Variants in MMP26 observed in about 807,000 individuals in gnomAD.
MMP26 encodes matrix metalloproteinase-26.
MMP26 carries 33 observed loss-of-function variants against 31.0 expected under a neutral mutation model. The observed-to-expected ratio is 1.06, with a 90% CI of 0.81 to 1.42. MMP26 has a LOEUF of 1.42. Among genes scored for constraint, MMP26 ranks in the 40% most tolerant of loss-of-function variants. The probability of loss-of-function intolerance (pLI) is 0.00; values close to 1 mark genes in which losing one functional copy is unlikely to be tolerated. For synonymous variants in MMP26, 122 were observed against 114.9 expected (o/e 1.06, Z -0.40); for missense variants, 347 against 316.1 (o/e 1.10, Z -0.74).
chr11:4,909,405 G>A (rs192082783), intron 2 of MMP26: 17 of 152,214 alleles, frequency 1.1e-4, no homozygotes, highest in Non-Finnish European at 1.5e-5. Context: ...AAAGGAACTG[G>A]GGACTTGAAT....
intron 2 of MMP26, chr11:4,875,996 C>G (rs377589635): frequency 6.6e-6 from 1 of 151,976 alleles, no homozygotes; most frequent in Non-Finnish European, 1.5e-5. Context: ...CTACATCATA[C>G]GAGTGCCAAA....
At chr11:4,971,487 G>A (rs113402772) in intron 2 of MMP26, among the ~76,000 whole-genome samples, 2,628 of 152,244 alleles carry the variant, frequency 0.017, 74 homozygotes, top group African/African-American at 0.06. Flanking sequence ...AGAGAGTAAC[G>A]TGATATGTAT....
chr11:4,794,591 T>A (rs1589902595), intron 2 of MMP26, among the ~76,000 whole-genome samples: 2 of 152,268 alleles, frequency 1.3e-5, no homozygotes, highest in East Asian at 1.9e-4. Context: ...ATTGCAATCA[T>A]TGTCAGCTCA....
intron 2 of MMP26, among the ~76,000 whole-genome samples, chr11:4,886,228 G>T (rs1164437702): frequency 3.9e-5 from 6 of 152,094 alleles, no homozygotes; most frequent in Non-Finnish European, 8.8e-5. Flanking sequence ...CAAAATAACT[G>T]TTGGTCTCCT....
At chr11:4,958,753 T>C (rs1004901124) in intron 2 of MMP26, among the ~76,000 whole-genome samples, 12 of 152,208 alleles carry the variant, frequency 7.9e-5, no homozygotes, top group Non-Finnish European at 1.5e-5. Flanking sequence ...AGCTTTTGAA[T>C]TGTTTTCCTT....
At chr11:4,917,073 G>A (rs1400720757) in intron 2 of MMP26, among the ~76,000 whole-genome samples, 1 of 152,188 alleles carries the variant, frequency 6.6e-6, no homozygotes, top group African/African-American at 2.4e-5. Context: ...AGCTCAAAGA[G>A]GGTAGGGGCT....
At chr11:4,719,454 C>T (rs1847981176) in intron 1 of MMP26, 1 of 153,766 alleles carries the variant, frequency 6.5e-6, no homozygotes, top group African/African-American at 2.4e-5. Context: ...TTGCCAATGC[C>T]TACCTACTAA....
chr11:4,991,252 A>T, intron 5 of MMP26, 119 bp from the exon 6 acceptor site: 1 of 1,268,420 alleles, frequency 7.9e-7, no homozygotes, highest in Non-Finnish European at 1.1e-6. Context: ...TAGCTCTCTC[A>T]CATCCCCCAG....
chr11:4,745,578 C>T (rs1345242413), intron 1 of MMP26, among the ~76,000 whole-genome samples: 1 of 152,138 alleles, frequency 6.6e-6, no homozygotes, highest in African/African-American at 2.4e-5. Flanking sequence ...TTTGTACGTT[C>T]GTCACTATCT....
chr11:4,943,275 T>C, intron 2 of MMP26: 1 of 240,698 alleles, frequency 4.2e-6, no homozygotes, highest in South Asian at 4.8e-5. Flanking sequence ...ATCCTTTGCA[T>C]TCATCTTTGT....
intron 2 of MMP26, among the ~76,000 whole-genome samples, chr11:4,887,233 T>C (rs1288176829): frequency 6.6e-6 from 1 of 152,100 alleles, no homozygotes; most frequent in Non-Finnish European, 1.5e-5. Flanking sequence ...TAGTTTGTAA[T>C]GTATTTATTT....
At chr11:4,843,442 A>G (rs1235216478) in intron 2 of MMP26, among the ~76,000 whole-genome samples, 1 of 152,132 alleles carries the variant, frequency 6.6e-6, no homozygotes, top group Non-Finnish European at 1.5e-5. Context: ...CAGGCCCAAT[A>G]CCACATGGAA....
chr11:4,828,061 C>T (rs1849601905), intron 2 of MMP26, among the ~76,000 whole-genome samples: 1 of 152,090 alleles, frequency 6.6e-6, no homozygotes, highest in Non-Finnish European at 1.5e-5. Flanking sequence ...GGAAAAAATA[C>T]ATCAACATTA....
intron 1 of MMP26, among the ~76,000 whole-genome samples, chr11:4,728,231 A>ACAC (rs1327387455): frequency 6.6e-6 from 1 of 152,242 alleles, no homozygotes; most frequent in African/African-American, 2.4e-5. Flanking sequence ...TCCTTGTTAA[A>ACAC]CATTATATTA....
intron 2 of MMP26, among the ~76,000 whole-genome samples, chr11:4,827,441 A>G (rs1191369080): frequency 6.6e-6 from 1 of 152,088 alleles, no homozygotes. Flanking sequence ...AATGATCCTG[A>G]AAAAGGTATC....
intron 1 of MMP26, among the ~76,000 whole-genome samples, chr11:4,724,786 G>A (rs1267011808): frequency 3.3e-5 from 5 of 152,108 alleles, no homozygotes; most frequent in South Asian, 4.1e-4. Flanking sequence ...CAGAAAAATC[G>A]CAGATGCTAA....
At chr11:4,980,555 C>T (rs1032022878) in intron 2 of MMP26, among the ~76,000 whole-genome samples, 1 of 151,662 alleles carries the variant, frequency 6.6e-6, no homozygotes, top group African/African-American at 2.4e-5. Context: ...CAAGATAATG[C>T]AAAAGGAAAA....
Position 4,988,089 on chromosome 11 carries a change from A to G in MMP26, c.-123A>G. On this transcript the variant is annotated 5_prime_UTR_variant, in exon 3 of 8. Transcript: ENST00000380390. ...GCAGGTATGGATGATGACGCCACTC[A>G]CAGATTCAAAGAAAGGGCAAACTGG... is the stretch of plus-strand genomic sequence containing the variant. The G allele has an allele frequency of 1.2e-6, 1 of 842,676 alleles. No individual in the cohort carries two copies. Among genetic ancestry groups the G allele is most frequent in the Non-Finnish European group, 2.0e-6 (1 of 488,130 alleles). 52.2% of individuals were successfully genotyped at this position (842,676 alleles called of 1,614,324 possible). A position where few individuals can be genotyped will look rare whatever the true frequency, so the allele number is the denominator to read the frequency against.
At chr11:4,819,451 G>C (rs1365687328) in intron 2 of MMP26, among the ~76,000 whole-genome samples, 1 of 151,698 alleles carries the variant, frequency 6.6e-6, no homozygotes, top group African/African-American at 2.4e-5. Flanking sequence ...TGATTAATGG[G>C]AGAATATTAA....
Sources: allele counts gnomAD v4.1 joint callset (sites outside exome capture counted in the v4.1 genomes callset), GRCh38; gene constraint gnomAD v4.1.1; transcripts MANE v1.5; gene names NCBI Gene and HGNC (gene_info 2026-07-23, HGNC 2026-07-21).